The following PREPL variants were observed in gnomAD, a reference collection of about 807,000 sequenced individuals.
The protein encoded by PREPL is prolyl endopeptidase like.
Under a neutral mutation model 70.6 loss-of-function variants are expected in PREPL, and 77 were observed. The ratio of observed to expected loss-of-function variants is 1.09; its 90% CI spans 0.91 to 1.32. The LOEUF (loss-of-function observed/expected upper bound fraction) is 1.32. PREPL is among the 40% of genes most tolerant of loss of function. PREPL has a pLI of 0.00. For synonymous variants in PREPL, 315 were observed against 264.8 expected (o/e 1.19, Z -1.84); for missense variants, 1,002 against 778.2 (o/e 1.29, Z -3.42).
chr2:44,340,572 G>A (rs1675104497), intron 5 of PREPL, among the ~76,000 whole-genome samples: 1 of 152,148 alleles, frequency 6.6e-6, no homozygotes, highest in African/African-American at 2.4e-5. Flanking sequence ...TTTGTGAAAT[G>A]TGTGTCTATT....
chr2:44,326,794 AG>A lies in PREPL; in HGVS notation c.1396del (p.Leu466Ter). 6.2e-7 allele frequency: 1 copy of A among 1,614,196 alleles called. No individual in the cohort carries two copies. The highest frequency in any genetic ancestry group is 8.5e-7 in the Non-Finnish European group (1 of 1,180,030). On this transcript the variant is annotated frameshift_variant, in exon 10 of 14. Coordinates refer to ENST00000409411, the MANE Select transcript of PREPL (RefSeq NM_001171613.2). LOFTEE classifies it high-confidence loss of function. ...CACCCCTCCAGCACTGAAAGCAGTC[AG>A]GGTTGTTAGACTTGGCTGAGAAAAG... ...QGFSQPSLTT[L>X]TAFSAGGVLA...
At chr2:44,355,152 A>G (rs142234910) in intron 1 of PREPL, among the ~76,000 whole-genome samples, 1 of 152,208 alleles carries the variant, frequency 6.6e-6, no homozygotes, top group Non-Finnish European at 1.5e-5. Flanking sequence ...AATCAGTTAA[A>G]AAAAATCATT....
chr2:44,346,517 G>T, intron 1 of PREPL, 127 bp from the exon 2 acceptor site: 1 of 829,000 alleles, frequency 1.2e-6, no homozygotes, highest in East Asian at 2.6e-5. Context: ...TTAAATAGTA[G>T]GTATTTCACA....
Position 44,321,261 on chromosome 2 carries a change from G to C in PREPL, c.*95C>G. The C allele has an allele frequency of 2.8e-6, 3 of 1,068,142 alleles. No homozygotes were observed. Among genetic ancestry groups the C allele is most frequent in the Admixed American group, 2.6e-5 (1 of 38,950 alleles). 66.2% of individuals were successfully genotyped at this position (1,068,142 alleles called of 1,614,324 possible). On this transcript the variant is annotated 3_prime_UTR_variant, in exon 14 of 14. Coordinates refer to ENST00000409411, the MANE Select transcript of PREPL (RefSeq NM_001171613.2). ...ATTTTAAAAAATTAATAACTTAAAAGTCTCAAGTTATTAATTTTTTTTTTG... is the reference window on the plus strand; with the variant it reads ...ATTTTAAAAAATTAATAACTTAAAACTCTCAAGTTATTAATTTTTTTTTTG...
intron 3 of PREPL, 125 bp downstream of exon 3, chr2:44,344,395 T>A (rs1675554994): frequency 1.3e-6 from 1 of 752,354 alleles, no homozygotes; most frequent in Admixed American, 3.4e-5. Flanking sequence ...AACTAGTCAT[T>A]AAAAAAAAAT....
intron 1 of PREPL, among the ~76,000 whole-genome samples, chr2:44,351,514 TAA>T (rs56070602): frequency 5.6e-4 from 81 of 144,266 alleles, no homozygotes; most frequent in African/African-American, 1.0e-3. Context: ...CTCGCCCTAT[TAA>T]AAAAAAAAAA....
intron 12 of PREPL, 42 bp from the exon 13 acceptor site, chr2:44,321,942 G>C (rs1673002160): frequency 6.4e-7 from 1 of 1,568,156 alleles, no homozygotes. Flanking sequence ...GATTGTATGG[G>C]ATCTTCTTTG....
intron 2 of PREPL, 29 bp from the exon 3 acceptor site, chr2:44,344,615 ATAATAATTTAAT>A: frequency 6.6e-7 from 1 of 1,512,442 alleles, no homozygotes; most frequent in Admixed American, 2.0e-5. Flanking sequence ...AGTTTACTTA[ATAATAATTTAAT>A]TAACCTTTTC....
At chr2:44,332,692 T>C (rs1558495985) in intron 7 of PREPL, 36 bp from the exon 8 acceptor site, 1 of 1,491,446 alleles carries the variant, frequency 6.7e-7, no homozygotes, top group Admixed American at 1.9e-5. Flanking sequence ...ATTCTTTATT[T>C]AGGCCACCAA....
chr2:44,354,050 G>T (rs1676742580), intron 1 of PREPL, among the ~76,000 whole-genome samples: 1 of 152,098 alleles, frequency 6.6e-6, no homozygotes, highest in African/African-American at 2.4e-5. Context: ...CCAGCTACTT[G>T]CAAGGTAAGG....
At chr2:44,355,355 T>A (rs1572576000) in intron 1 of PREPL, among the ~76,000 whole-genome samples, 1 of 152,188 alleles carries the variant, frequency 6.6e-6, no homozygotes. Flanking sequence ...CAGACCAGCC[T>A]AGCCAACATG....
In PREPL at chr2:44,319,968, C is replaced by T. The variant is rs1672783056; in HGVS notation, c.*1388G>A. On this transcript the variant is annotated 3_prime_UTR_variant, in exon 14 of 14. Coordinates refer to ENST00000409411, the MANE Select transcript of PREPL (RefSeq NM_001171613.2). ...ACAGAAACTCTACAATGTAGCAGAG[C>T]ACTGTGCGTACTTATTGACTCCCAG... 3.8e-6 allele frequency: 2 copies of T among 521,616 alleles called. No homozygotes were observed. The highest frequency in any genetic ancestry group is 3.5e-5 in the East Asian group (1 of 28,946). The allele number at this position is 521,616 out of a possible 1,614,324, so 32.3% of individuals were successfully genotyped here. A position where few individuals can be genotyped will look rare whatever the true frequency, so the allele number is the denominator to read the frequency against.
rs1234258862 is a variant in PREPL, at chr2:44,329,921, C to A, written c.1087-809G>T. Among the ~76,000 whole-genome samples, 6 of 152,150 alleles carry A rather than the reference C, an allele frequency of 3.9e-5. No individual in the cohort carries two copies. In the East Asian group the frequency reaches 1.2e-3, roughly 29 times the overall value. ...CACCCTGCTTAAACTAATGAAATAG[C>A]ACCGTTTACATAAAGAAAATAAATA... On this transcript the variant is annotated intron_variant, in intron 8 of 13. Transcript: ENST00000409411.
Position 44,321,818 on chromosome 2 carries a change from A to T in PREPL, c.1827+9T>A. On this transcript the variant is annotated intron_variant, in intron 13 of 13. Coordinates refer to ENST00000409411, the MANE Select transcript of PREPL (RefSeq NM_001171613.2). ...GAATCTGTCCACTGAGAGGGCCTTG[A>T]TAACATACCTTTTTGTGAGAATCCT... 1 of 1,613,866 alleles carries T rather than the reference A, an allele frequency of 6.2e-7. No homozygotes were observed. The highest frequency in any genetic ancestry group is 1.1e-5 in the South Asian group (1 of 91,080).
In PREPL at chr2:44,343,922, T is replaced by C. The variant is rs370680461; in HGVS notation, c.172A>G (p.Asn58Asp). 2.2e-5 allele frequency: 35 copies of C among 1,613,818 alleles called. No homozygotes were observed. The highest frequency in any genetic ancestry group is 2.6e-5 in the Non-Finnish European group (31 of 1,179,932). Residue 58 changes from asparagine (N) to aspartate (D), a missense_variant, in exon 4 of 14, where the codon AAT becomes GAT. Transcript: ENST00000409411. ...ADNDNYEVLF[N>D]LEELKLDQPF... ...TGGTCTAACTTAAGTTCCTCCAAAT[T>C]GAATAAAACTTCATAATTATCATTG... is the stretch of plus-strand genomic sequence containing the variant.
Position 44,322,789 on chromosome 2 carries a change from T to TAA in PREPL, c.1694_1695insTT (p.Ser566Ter). ...CTTCCTTGAGTTTCTCAGTATAACT[T>TAA]ACAATTCCTTTCAGAGGTACCCGTT... On this transcript the variant is annotated frameshift_variant, in exon 12 of 14. Coordinates refer to ENST00000409411, the MANE Select transcript of PREPL (RefSeq NM_001171613.2). LOFTEE classifies it high-confidence loss of function. 6.2e-7 allele frequency: 1 copy of TAA among 1,613,962 alleles called. No homozygotes were observed. Among genetic ancestry groups the TAA allele is most frequent in the Non-Finnish European group, 8.5e-7 (1 of 1,179,866 alleles).
At chr2:44,324,446 G>T (rs1423971076) in intron 10 of PREPL, among the ~76,000 whole-genome samples, 1 of 151,998 alleles carries the variant, frequency 6.6e-6, no homozygotes, top group South Asian at 2.1e-4. Context: ...AAATACACAA[G>T]GAATAAAGTC....
chr2:44,321,941 G>C, intron 12 of PREPL, 41 bp from the exon 13 acceptor site: 1 of 1,572,198 alleles, frequency 6.4e-7, no homozygotes, highest in Non-Finnish European at 8.7e-7. Context: ...AGATTGTATG[G>C]GATCTTCTTT....
chr2:44,346,292 T>C lies in PREPL; in HGVS notation c.51A>G (p.Glu17=). 1 of 1,612,644 alleles carries C rather than the reference T, an allele frequency of 6.2e-7. No homozygotes were observed. Among genetic ancestry groups the C allele is most frequent in the Non-Finnish European group, 8.5e-7 (1 of 1,179,324 alleles). The change falls in exon 2 of 14, where the codon GAA becomes GAG. Residue 17 remains glutamate (E), a synonymous_variant. Transcript: ENST00000409411. The stretch of plus-strand genomic sequence containing the variant: ...CTTCCACATTGATGATTTCATATTC[T>C]TCTTGTGGCTGTGTTTCTAATTTTG... ...VRTKLETQPQ[E]EYEIINVEVK... is the part of the protein sequence containing the mutation.
Sources: allele counts gnomAD v4.1 joint callset (sites outside exome capture counted in the v4.1 genomes callset), GRCh38; gene constraint gnomAD v4.1.1; transcripts MANE v1.5; gene names NCBI Gene and HGNC (gene_info 2026-07-23, HGNC 2026-07-21).